Variants in TBXAS1 observed in about 807,000 individuals in gnomAD.
TBXAS1 encodes thromboxane-A synthase.
Under a neutral mutation model 60.7 loss-of-function variants are expected in TBXAS1, and 48 were observed. The ratio of observed to expected loss-of-function variants is 0.79; its 90% CI spans 0.63 to 1.01. TBXAS1 has a LOEUF of 1.01. Among genes scored for constraint, TBXAS1 ranks in the 50% least tolerant of loss-of-function variants. The pLI is 0.00. For missense variants in TBXAS1, 685 were observed against 686.3 expected, an observed-to-expected ratio of 1.00 and a Z score of 0.02; for synonymous variants, 287 against 269.7, an observed-to-expected ratio of 1.06 and a Z score of -0.63.
intron 5 of TBXAS1, among the ~76,000 whole-genome samples, chr7:139,951,950 A>AAAAGAAAGAAAGAAAGAAAGAAAG (rs776126423): frequency 9.5e-5 from 4 of 42,002 alleles, no homozygotes; most frequent in East Asian, 5.8e-4. Flanking sequence ...GGAAAGAAAG[A>AAAAGAAAGAAAGAAAGAAAGAAAG]AAAGAAAGAA....
intron 4 of TBXAS1, among the ~76,000 whole-genome samples, chr7:139,799,113 A>C (rs1585522346): frequency 1.6e-5 from 2 of 125,912 alleles, no homozygotes; most frequent in African/African-American, 3.2e-5. Context: ...TCACTCTGCC[A>C]CCCAGAGTAT....
chr7:139,894,297 G>T (rs897755564), intron 3 of TBXAS1, among the ~76,000 whole-genome samples: 8 of 152,158 alleles, frequency 5.3e-5, no homozygotes, highest in Admixed American at 5.2e-4. Context: ...GGTTAGGAAA[G>T]TGTGCAGAAG....
upstream of TBXAS1, among the ~76,000 whole-genome samples, chr7:139,824,710 C>G (rs902356402): frequency 4.6e-5 from 7 of 152,002 alleles, no homozygotes; most frequent in Non-Finnish European, 1.5e-5. Flanking sequence ...TGGAAAAATA[C>G]AAGAGGATAG....
chr7:139,942,905 G>A (rs1374508283), intron 5 of TBXAS1, among the ~76,000 whole-genome samples: 3 of 152,202 alleles, frequency 2.0e-5, no homozygotes, highest in Non-Finnish European at 2.9e-5. Context: ...CTGACTTGGA[G>A]ACGACATGTT....
chr7:139,887,400 C>T (rs1018145741), intron 3 of TBXAS1, among the ~76,000 whole-genome samples: 13 of 152,062 alleles, frequency 8.5e-5, no homozygotes, highest in African/African-American at 1.2e-4. Context: ...AAAGCTGAAA[C>T]TTTGTCCTCA....
At chr7:139,898,684 T>C (rs918053874) in intron 3 of TBXAS1, among the ~76,000 whole-genome samples, 1 of 152,314 alleles carries the variant, frequency 6.6e-6, no homozygotes, top group Middle Eastern at 3.4e-3. Context: ...TGATGCCCCG[T>C]TGGGGCACTT....
chr7:139,872,139 T>G, intron 1 of TBXAS1, 96 bp from the exon 2 acceptor site: 3 of 1,287,990 alleles, frequency 2.3e-6, no homozygotes, highest in Non-Finnish European at 2.2e-6. Context: ...CTTTTGCCTT[T>G]ACTTCCAGAG....
intron 4 of TBXAS1, among the ~76,000 whole-genome samples, chr7:139,823,882 A>G (rs1263655663): frequency 6.6e-6 from 1 of 152,170 alleles, no homozygotes; most frequent in Non-Finnish European, 1.5e-5. Context: ...ATTTCTTGGT[A>G]CTTGTATGGT....
intron 1 of TBXAS1, among the ~76,000 whole-genome samples, chr7:139,867,031 T>G (rs1355103209): frequency 6.6e-6 from 1 of 152,204 alleles, no homozygotes; most frequent in Non-Finnish European, 1.5e-5. Flanking sequence ...TAATAAAGCT[T>G]CCGATGTGGC....
At chr7:140,018,749 G>GT (rs1815301304) in intron 12 of TBXAS1, among the ~76,000 whole-genome samples, 1 of 152,230 alleles carries the variant, frequency 6.6e-6, no homozygotes, top group South Asian at 2.1e-4. Context: ...TGCAGGCTTC[G>GT]TGATGGCAGG....
At chr7:139,959,007 TCACACACACACACA>T (rs8192836) in intron 8 of TBXAS1, among the ~76,000 whole-genome samples, 2 of 149,740 alleles carry the variant, frequency 1.3e-5, no homozygotes, top group South Asian at 4.2e-4. Flanking sequence ...TTGAGAGTGT[TCACACACACACACA>T]CACACACACA....
At chr7:140,014,548 AATGTGTGTGTGC>A (rs1814866454) in intron 10 of TBXAS1, among the ~76,000 whole-genome samples, 1 of 152,068 alleles carries the variant, frequency 6.6e-6, no homozygotes, top group African/African-American at 2.4e-5. Flanking sequence ...CAAGGAAAGA[AATGTGTGTGTGC>A]ATGTGTGTGT....
At chr7:139,905,005 C>CTCTCTCTT (rs1804891084) in intron 3 of TBXAS1, among the ~76,000 whole-genome samples, 4 of 90,420 alleles carry the variant, frequency 4.4e-5, no homozygotes, top group Non-Finnish European at 8.9e-5. Context: ...CTCTCTTTCT[C>CTCTCTCTT]TCTTTCTTTC....
At chr7:139,865,830 A>AG (rs1172533808) in intron 1 of TBXAS1, among the ~76,000 whole-genome samples, 1 of 67,230 alleles carries the variant, frequency 1.5e-5, no homozygotes, top group Non-Finnish European at 2.6e-5. Flanking sequence ...GGAGGGAGGG[A>AG]GGGGGGAAAG....
intron 1 of TBXAS1, among the ~76,000 whole-genome samples, chr7:139,849,019 C>T (rs568991177): frequency 3.3e-5 from 5 of 152,082 alleles, no homozygotes; most frequent in Non-Finnish European, 5.9e-5. Context: ...AAAAACTTAA[C>T]GTGAATGGAC....
chr7:139,870,845 T>G (rs1458218810), intron 1 of TBXAS1, among the ~76,000 whole-genome samples: 1 of 152,158 alleles, frequency 6.6e-6, no homozygotes, highest in Non-Finnish European at 1.5e-5. Flanking sequence ...TCCCAGCACT[T>G]TGGGAGGCCA....
In TBXAS1 at chr7:140,020,273, A is replaced by C. The variant is rs1444580813; in HGVS notation, c.*174A>C. ...TAAATGCTTAATAAACGTTTGTTGC[A>C]CTTGGTTTTGACATTGCCAATGGGG... On this transcript the variant is annotated 3_prime_UTR_variant, in exon 13 of 13. Transcript: ENST00000448866. The C allele has an allele frequency of 5.4e-6, 4 of 736,474 alleles. No individual in the cohort carries two copies. The highest frequency in any genetic ancestry group is 9.6e-6 in the Non-Finnish European group (4 of 418,610). The allele number at this position is 736,474 out of a possible 1,614,324, so 45.6% of individuals were successfully genotyped here. A position where few individuals can be genotyped will look rare whatever the true frequency, so the allele number is the denominator to read the frequency against.
intron 9 of TBXAS1, among the ~76,000 whole-genome samples, chr7:139,966,071 G>T (rs993836878): frequency 6.6e-6 from 1 of 152,086 alleles, no homozygotes; most frequent in African/African-American, 2.4e-5. Context: ...TTTCTTGAGT[G>T]CCAGTTAATG....
chr7:139,952,053 C>A, intron 5 of TBXAS1, among the ~76,000 whole-genome samples: 1 of 151,904 alleles, frequency 6.6e-6, no homozygotes. Context: ...AGGATGGGAA[C>A]AGTTGTCTAG....
Sources: gnomAD v4.1 joint callset for allele counts (sites outside exome capture counted in the v4.1 genomes callset) on GRCh38, gnomAD v4.1.1 for gene constraint, MANE v1.5 for transcripts, NCBI Gene and HGNC (gene_info 2026-07-23, HGNC 2026-07-21) for gene names.